Variants in KCNG2 observed in about 807,000 individuals in gnomAD.
KCNG2 encodes the protein potassium voltage-gated channel modifier subfamily G member 2, also known as voltage-gated potassium channel regulatory subunit KCNG2.
In KCNG2, 7 loss-of-function variants were observed where a neutral mutation model predicts 12.3. The observed-to-expected ratio is 0.57, with a 90% CI of 0.32 to 1.07. The LOEUF is 1.07. Ranked by LOEUF, KCNG2 falls within the 50% of genes least tolerant of loss-of-function variation. KCNG2 has a pLI of 0.04. For synonymous variants in KCNG2, 414 were observed against 351.4 expected, an observed-to-expected ratio of 1.18 and a Z score of -1.99; for missense variants, 703 against 726.0, an observed-to-expected ratio of 0.97 and a Z score of 0.36.
intron 3 of KCNG2, among the ~76,000 whole-genome samples, chr18:79,889,035 T>A (rs1027950417): frequency 6.6e-6 from 1 of 152,238 alleles, no homozygotes; most frequent in African/African-American, 2.4e-5. Flanking sequence ...TAAGAGTTTC[T>A]TATCTATCCT....
At position 79,899,871 on chromosome 18, in the gene KCNG2, C is replaced by A. The variant is rs1599448503; in HGVS notation, c.*55C>A. Reference sequence around the variant, plus strand: ...GCCCCCTCCAGCTGCAGCGTCGGGACCCCCGAGGTGCGCCAAGGGGTGGGG... The same window carrying A: ...GCCCCCTCCAGCTGCAGCGTCGGGAACCCCGAGGTGCGCCAAGGGGTGGGG... On this transcript the variant is annotated 3_prime_UTR_variant, in exon 4 of 4. Transcript: ENST00000316249. 1 of 1,286,128 alleles carries A rather than the reference C, an allele frequency of 7.8e-7. No homozygotes were observed. The highest frequency in any genetic ancestry group is 9.8e-7 in the Non-Finnish European group (1 of 1,017,066). The allele number at this position is 1,286,128 out of a possible 1,614,324, so 79.7% of individuals were successfully genotyped here. A position where few individuals can be genotyped will look rare whatever the true frequency, so the allele number is the denominator to read the frequency against.
In KCNG2 at chr18:79,805,863, G is replaced by GCACA. The variant is rs36068585; in HGVS notation, c.-115+7863_-115+7866dup. The stretch of plus-strand genomic sequence containing the variant: ...AATATAGACAGACGCAGGTCCACAT[G>GCACA]CACACACACACACACACGTGCACAC... On this transcript the variant is annotated intron_variant, in intron 1 of 3. Transcript: ENST00000316249. 5.2e-4 allele frequency among the ~76,000 whole-genome samples: 79 copies of GCACA among 151,054 alleles called. 1 individual carries two copies. In the South Asian group the frequency reaches 0.013, roughly 24 times the overall value.
chr18:79,896,067 G>A (rs1729474184), intron 3 of KCNG2, among the ~76,000 whole-genome samples: 1 of 152,184 alleles, frequency 6.6e-6, no homozygotes, highest in South Asian at 2.1e-4. Context: ...CTGGGTTCAA[G>A]CAATTCTCCT....
At chr18:79,809,434 A>G (rs1225876118) in intron 1 of KCNG2, among the ~76,000 whole-genome samples, 2 of 147,820 alleles carry the variant, frequency 1.4e-5, no homozygotes, top group Non-Finnish European at 3.0e-5. Flanking sequence ...TTACGGTCCC[A>G]GAGTCCTCGC....
rs1182158110 is a variant in KCNG2, at chr18:79,822,618, T to G, written c.-115+24604T>G. Among the ~76,000 whole-genome samples, 1 of 151,974 alleles carries G rather than the reference T, an allele frequency of 6.6e-6. No individual in the cohort carries two copies. The highest frequency in any genetic ancestry group is 6.6e-5 in the Admixed American group (1 of 15,260). Reference sequence around the variant, plus strand: ...CATGCCTGGCTAATTTTTGTAGAGATGGGGGTCTCGCTGTGTTGCCCCGGC... The same window carrying G: ...CATGCCTGGCTAATTTTTGTAGAGAGGGGGGTCTCGCTGTGTTGCCCCGGC... On this transcript the variant is annotated intron_variant, in intron 1 of 3. Coordinates refer to ENST00000316249, the MANE Select transcript of KCNG2 (RefSeq NM_012283.2). The surrounding 1 kb of genome is among the most constrained non-coding windows in gnomAD (Gnocchi z 4.4).
In KCNG2 at chr18:79,864,305, G is replaced by A. The variant is rs1184173042; in HGVS notation, c.624+14G>A. 2.0e-6 allele frequency: 3 copies of A among 1,513,472 alleles called. No individual in the cohort carries two copies. Among genetic ancestry groups the A allele is most frequent in the Non-Finnish European group, 2.6e-6 (3 of 1,136,708 alleles). 93.8% of individuals were successfully genotyped at this position (1,513,472 alleles called of 1,614,324 possible). ...GAGGAGGAGCGGGTGAGCGCGGCCG[G>A]GGGTGGCGGGGACCGGGCCGGAGCT... is the stretch of plus-strand genomic sequence containing the variant. On this transcript the variant is annotated intron_variant, in intron 3 of 3. Coordinates refer to ENST00000316249, the MANE Select transcript of KCNG2 (RefSeq NM_012283.2).
chr18:79,853,189 G>T (rs929903370), intron 1 of KCNG2, among the ~76,000 whole-genome samples: 1 of 152,368 alleles, frequency 6.6e-6, no homozygotes, highest in East Asian at 1.9e-4. Context: ...TTACATCCTA[G>T]CGGGAGTGGA....
intron 1 of KCNG2, among the ~76,000 whole-genome samples, chr18:79,802,904 T>C (rs1883339072): frequency 6.6e-6 from 1 of 152,182 alleles, no homozygotes; most frequent in South Asian, 2.1e-4. Flanking sequence ...CTTGGCTGGG[T>C]GCGGTGGCTC....
At chr18:79,872,895 G>A (rs1233049425) in intron 3 of KCNG2, among the ~76,000 whole-genome samples, 1 of 152,238 alleles carries the variant, frequency 6.6e-6, no homozygotes, top group Non-Finnish European at 1.5e-5. Context: ...GGGAAGCGAA[G>A]CCTCGTGTGG....
chr18:79,800,737 C>A lies in KCNG2; in HGVS notation c.-115+2723C>A, dbSNP rs1199384942. ...GTGGGCTGGTGCCTATGGTTGCAGT[C>A]GGCCTGGCGTGTCCTGCGGGCACCC... On this transcript the variant is annotated intron_variant, in intron 1 of 3. Transcript: ENST00000316249. This position sits in a 1 kb window ranked among gnomAD's most constrained non-coding sequence, Gnocchi z 4.0. 1.3e-5 allele frequency among the ~76,000 whole-genome samples: 2 copies of A among 152,212 alleles called. No homozygotes were observed. Among genetic ancestry groups the A allele is most frequent in the African/African-American group, 4.8e-5 (2 of 41,448 alleles).
chr18:79,834,818 AGG>A (rs1978314910), intron 1 of KCNG2, among the ~76,000 whole-genome samples: 1 of 152,236 alleles, frequency 6.6e-6, no homozygotes, highest in Non-Finnish European at 1.5e-5. Context: ...CTTGAGCAGG[AGG>A]AGCTGGTTCC....
chr18:79,874,227 C>G (rs1599418260), intron 3 of KCNG2, among the ~76,000 whole-genome samples: 1 of 152,246 alleles, frequency 6.6e-6, no homozygotes, highest in African/African-American at 2.4e-5. Flanking sequence ...CCACCGCCAT[C>G]AGCCACCTTC....
At chr18:79,869,913 C>T (rs1347245777) in intron 3 of KCNG2, among the ~76,000 whole-genome samples, 1 of 152,248 alleles carries the variant, frequency 6.6e-6, no homozygotes, top group East Asian at 1.9e-4. Flanking sequence ...GCAGCCGTGG[C>T]ATGGATGTTT....
intron 3 of KCNG2, among the ~76,000 whole-genome samples, chr18:79,868,647 G>A (rs1157716926): frequency 6.6e-6 from 1 of 152,238 alleles, no homozygotes; most frequent in Non-Finnish European, 1.5e-5. Flanking sequence ...GGCTGGTGAA[G>A]GACGTCACCT....
Position 79,884,905 on chromosome 18 carries a change from CTG to C in KCNG2, c.625-14132_625-14131del, listed in dbSNP as rs1980464745. 6.6e-6 allele frequency among the ~76,000 whole-genome samples: 1 copy of C among 152,188 alleles called. No homozygotes were observed. The highest frequency in any genetic ancestry group is 2.4e-5 in the African/African-American group (1 of 41,442). ...TGCAGCCAAGACACCATCCCTGAAA[CTG>C]TGATAATGAGAGCGTCCTGACACCA... On this transcript the variant is annotated intron_variant, in intron 3 of 3. Coordinates refer to ENST00000316249, the MANE Select transcript of KCNG2 (RefSeq NM_012283.2). This position sits in a 1 kb window ranked among gnomAD's most constrained non-coding sequence, Gnocchi z 5.5.
chr18:79,804,253 C>T (rs2087432182), intron 1 of KCNG2, among the ~76,000 whole-genome samples: 2 of 152,216 alleles, frequency 1.3e-5, no homozygotes, highest in Non-Finnish European at 2.9e-5. Flanking sequence ...TTGCCCAGGC[C>T]GGAAGGCACC....
At chr18:79,858,329 G>A (rs567706977) in intron 2 of KCNG2, among the ~76,000 whole-genome samples, 1 of 152,328 alleles carries the variant, frequency 6.6e-6, no homozygotes, top group South Asian at 2.1e-4. Context: ...CGGATTCCCA[G>A]TATATGTGAC....
chr18:79,849,157 C>T (rs1355944739), intron 1 of KCNG2, among the ~76,000 whole-genome samples: 1 of 152,200 alleles, frequency 6.6e-6, no homozygotes, highest in Non-Finnish European at 1.5e-5. Context: ...CAGTCAGCCT[C>T]CCTTAGAGGG....
intron 3 of KCNG2, among the ~76,000 whole-genome samples, chr18:79,879,175 C>T (rs1308161658): frequency 6.6e-6 from 1 of 152,176 alleles, no homozygotes; most frequent in Non-Finnish European, 1.5e-5. Flanking sequence ...CCCACAGGAG[C>T]CAAAGGACCT....
Sources: gnomAD v4.1 joint callset for allele counts (sites outside exome capture counted in the v4.1 genomes callset) on GRCh38, gnomAD v4.1.1 for gene constraint, Gnocchi (gnomAD v3.1) non-coding constraint, MANE v1.5 for transcripts, NCBI Gene and HGNC (gene_info 2026-07-23, HGNC 2026-07-21) for gene names.